TMCO6: variants seen among roughly 807,000 people sequenced by gnomAD.
The protein encoded by TMCO6 is transmembrane and coiled-coil domain-containing protein 6.
A neutral mutation model predicts 61.8 loss-of-function variants in TMCO6; 47 were observed. That is an observed-to-expected ratio of 0.76 (90% CI 0.60 to 0.97). The LOEUF (loss-of-function observed/expected upper bound fraction) is 0.97. Ranked by LOEUF, TMCO6 falls within the 50% of genes least tolerant of loss-of-function variation. The pLI is 0.00. For missense variants in TMCO6, 557 were observed against 601.6 expected, an observed-to-expected ratio of 0.93 and a Z score of 0.78; for synonymous variants, 261 against 254.2, an observed-to-expected ratio of 1.03 and a Z score of -0.25.
chr5:140,600,855 G>A, the TMCO6 span, among the ~76,000 whole-genome samples: 3 of 152,100 alleles, frequency 2.0e-5, no homozygotes, highest in Non-Finnish European at 2.9e-5. Flanking sequence ...TACATTCAAC[G>A]AAAAGAGATG....
upstream of TMCO6, among the ~76,000 whole-genome samples, chr5:140,636,706 T>C (rs1489725312): frequency 6.6e-6 from 1 of 152,110 alleles, no homozygotes; most frequent in East Asian, 1.9e-4. Context: ...AATGATGGCC[T>C]GTAGATATTT....
rs28546227 is a variant in TMCO6 at position 140,641,838 on chromosome 5, G to A, written c.315-32G>A. Reference sequence around the variant, plus strand: ...TGGGGCTCTGAGGGATGGACCACAAGCTAAGCAGGGCTCTGGTACTCACTC... The same window carrying A: ...TGGGGCTCTGAGGGATGGACCACAAACTAAGCAGGGCTCTGGTACTCACTC... On this transcript the variant is annotated intron_variant, in intron 3 of 11. Transcript: ENST00000394671. The A allele has an allele frequency of 3.6e-3, 5,824 of 1,614,070 alleles. 203 individuals carry two copies. The African/African-American group carries it at 0.068, about 19-fold the overall frequency.
chr5:140,647,264 GC>G (rs1057518631), downstream of TMCO6: 8 of 1,550,958 alleles, frequency 5.2e-6, no homozygotes, highest in Non-Finnish European at 5.2e-6. Flanking sequence ...ACCGTAGCGG[GC>G]CCAGAGCTTG....
chr5:140,607,677 G>A, the TMCO6 span, among the ~76,000 whole-genome samples: 1 of 151,732 alleles, frequency 6.6e-6, no homozygotes, highest in African/African-American at 2.4e-5. Flanking sequence ...AATTTATGAG[G>A]GTTCCTTCTT....
chr5:140,606,183 T>G, the TMCO6 span, among the ~76,000 whole-genome samples: 1 of 136,100 alleles, frequency 7.3e-6, no homozygotes, highest in Non-Finnish European at 1.6e-5. Flanking sequence ...TTTTTTTTTT[T>G]CCAGGGTCTC....
the TMCO6 span, among the ~76,000 whole-genome samples, chr5:140,627,686 T>G: frequency 6.6e-6 from 1 of 151,950 alleles, no homozygotes; most frequent in African/African-American, 2.4e-5. Flanking sequence ...GAAGATCCAG[T>G]TATTGTAAGC....
At chr5:140,626,661 T>G in the TMCO6 span, among the ~76,000 whole-genome samples, 2 of 152,204 alleles carry the variant, frequency 1.3e-5, no homozygotes, top group African/African-American at 4.8e-5. Flanking sequence ...AAACAGAGTC[T>G]CACTCTGTGA....
At chr5:140,616,797 G>A in the TMCO6 span, among the ~76,000 whole-genome samples, 2 of 152,074 alleles carry the variant, frequency 1.3e-5, no homozygotes, top group African/African-American at 2.4e-5. Context: ...TGTAATCACA[G>A]CACTTTGGGA....
chr5:140,634,207 T>C, the TMCO6 span, among the ~76,000 whole-genome samples: 1 of 152,160 alleles, frequency 6.6e-6, no homozygotes. Flanking sequence ...GAATCAGTTT[T>C]CCCACTTGCA....
the TMCO6 span, among the ~76,000 whole-genome samples, chr5:140,626,336 T>C: frequency 6.8e-6 from 1 of 147,356 alleles, no homozygotes; most frequent in East Asian, 2.0e-4. Flanking sequence ...TAGAAAAAGA[T>C]ATCCAATTTT....
chr5:140,609,712 T>C, the TMCO6 span, among the ~76,000 whole-genome samples: 1 of 151,978 alleles, frequency 6.6e-6, no homozygotes, highest in Non-Finnish European at 1.5e-5. Flanking sequence ...TTGACAATCA[T>C]AAGATCTATG....
At chr5:140,607,275 T>G in the TMCO6 span, among the ~76,000 whole-genome samples, 1 of 152,254 alleles carries the variant, frequency 6.6e-6, no homozygotes, top group Non-Finnish European at 1.5e-5. Context: ...ATACTCAGCA[T>G]AAGTGGAATC....
At chr5:140,637,732 G>T (rs533383920), upstream of TMCO6, among the ~76,000 whole-genome samples, 1 of 152,264 alleles carries the variant, frequency 6.6e-6, no homozygotes, top group African/African-American at 2.4e-5. Flanking sequence ...AAGAACTTGG[G>T]TCTCCACAAT....
Position 140,644,605 on chromosome 5 carries a change from G to T in TMCO6, c.1233G>T (p.Lys411Asn). 1.2e-6 allele frequency: 2 copies of T among 1,614,220 alleles called. No individual in the cohort carries two copies. The highest frequency in any genetic ancestry group is 1.7e-6 in the Non-Finnish European group (2 of 1,180,048). Reference sequence around the variant, plus strand: ...CAGTTCTGTGCAATGTTGCAGAAAAGGGTCCTGCTTACTGCCAGCGGCTGT... The same window carrying T: ...CAGTTCTGTGCAATGTTGCAGAAAATGGTCCTGCTTACTGCCAGCGGCTGT... ...VLTVLCNVAE[K>N]GPAYCQRLWP... The change falls in exon 11 of 12, where the codon AAG (lysine) becomes AAT (asparagine). Residue 411 changes from lysine to asparagine, a missense_variant. Lys to Asn is a moderately conservative substitution (Grantham distance 94, BLOSUM62 0). Coordinates refer to ENST00000394671, the MANE Select transcript of TMCO6 (RefSeq NM_018502.5).
At chr5:140,606,264 T>A in the TMCO6 span, among the ~76,000 whole-genome samples, 1 of 151,802 alleles carries the variant, frequency 6.6e-6, no homozygotes, top group Non-Finnish European at 1.5e-5. Flanking sequence ...TCCTCCTGCC[T>A]TAGCCTCCCA....
Position 140,641,948 on chromosome 5 carries a change from C to G in TMCO6, c.393C>G (p.Cys131Trp). ...TGCTGCAGCTTGAGGCGGCTCGGTGCCTGCATGAGCTCTCTCACTCCGAGC... is the reference window on the plus strand; with the variant it reads ...TGCTGCAGCTTGAGGCGGCTCGGTGGCTGCATGAGCTCTCTCACTCCGAGC... ...QALLQLEAARCLHELSHSEQS... is the reference protein window; with the variant it reads ...QALLQLEAARWLHELSHSEQS... Residue 131 changes from cysteine (C) to tryptophan (W), a missense_variant, in exon 4 of 12, where the codon TGC becomes TGG. Cys to Trp is a radical substitution (Grantham distance 215). Transcript: ENST00000394671. 1 of 1,613,990 alleles carries G rather than the reference C, an allele frequency of 6.2e-7. No individual in the cohort carries two copies. The highest frequency in any genetic ancestry group is 8.5e-7 in the Non-Finnish European group (1 of 1,179,854).
At chr5:140,600,360 G>T in the TMCO6 span, among the ~76,000 whole-genome samples, 1 of 152,006 alleles carries the variant, frequency 6.6e-6, no homozygotes, top group Non-Finnish European at 1.5e-5. Flanking sequence ...TGGCACTTCA[G>T]CTTCTATTTT....
the TMCO6 span, among the ~76,000 whole-genome samples, chr5:140,599,982 C>A: frequency 1.3e-5 from 2 of 151,836 alleles, no homozygotes; most frequent in Non-Finnish European, 2.9e-5. Flanking sequence ...GTTCAAAAGT[C>A]AATTCTAGGG....
At position 140,644,185 on chromosome 5, in the gene TMCO6, G is replaced by A. The variant is rs781733577; in HGVS notation, c.1191G>A (p.Val397=). 6.2e-7 allele frequency: 1 copy of A among 1,614,132 alleles called. No individual in the cohort carries two copies. The highest frequency in any genetic ancestry group is 8.5e-7 in the Non-Finnish European group (1 of 1,179,998). ...LLQLLPVSNV[V]SVMVLTVLCN... ...AGCTGTTGCCAGTATCTAACGTGGTGAGCGTAATGGTATGTATTGGGGTTA... is the reference window on the plus strand; with the variant it reads ...AGCTGTTGCCAGTATCTAACGTGGTAAGCGTAATGGTATGTATTGGGGTTA... The change falls in exon 10 of 12, where the codon GTG becomes GTA. Residue 397 remains valine (V), a synonymous_variant. Coordinates refer to ENST00000394671, the MANE Select transcript of TMCO6 (RefSeq NM_018502.5).
Sources: allele counts gnomAD v4.1 joint callset (sites outside exome capture counted in the v4.1 genomes callset), GRCh38; gene constraint gnomAD v4.1.1; transcripts MANE v1.5; gene names NCBI Gene and HGNC (gene_info 2026-07-23, HGNC 2026-07-21).